The following C1orf105 variants were observed in gnomAD, a reference collection of about 807,000 sequenced individuals.
C1orf105 encodes chromosome 1 open reading frame 105, also known as uncharacterized protein C1orf105.
A neutral mutation model predicts 20.8 loss-of-function variants in C1orf105; 17 were observed. The ratio of observed to expected loss-of-function variants is 0.82; its 90% CI spans 0.56 to 1.23. C1orf105 has a LOEUF of 1.23. C1orf105 is among the 50% of genes most tolerant of loss of function. The pLI is 0.00. For missense variants in C1orf105, 219 were observed against 213.5 expected (o/e 1.03, Z -0.16); for synonymous variants, 72 against 72.1 (o/e 1.00, Z 0.01).
intron 3 of C1orf105, among the ~76,000 whole-genome samples, chr1:172,450,366 A>ATATTCTT (rs1237383807): frequency 1.3e-5 from 2 of 152,208 alleles, no homozygotes; most frequent in Non-Finnish European, 2.9e-5. Context: ...ACCTCCAGTC[A>ATATTCTT]TATTCTTTCC....
chr1:172,440,465 G>A (rs1018786799), intron 1 of C1orf105, among the ~76,000 whole-genome samples: 1 of 152,238 alleles, frequency 6.6e-6, no homozygotes, highest in Non-Finnish European at 1.5e-5. Context: ...TCTAGAGGTA[G>A]ATACTTTTAT....
intron 1 of C1orf105, among the ~76,000 whole-genome samples, chr1:172,423,150 G>A (rs537829953): frequency 2.0e-5 from 3 of 152,298 alleles, no homozygotes; most frequent in East Asian, 1.9e-4. Context: ...TGGTAGCCAC[G>A]TAATAGTTAC....
At chr1:172,454,843 G>A (rs1351038817) in intron 3 of C1orf105, among the ~76,000 whole-genome samples, 1 of 152,070 alleles carries the variant, frequency 6.6e-6, no homozygotes, top group Non-Finnish European at 1.5e-5. Context: ...TGATGTATAG[G>A]CTACTGGATG....
intron 1 of C1orf105, among the ~76,000 whole-genome samples, chr1:172,426,311 T>C (rs1316969418): frequency 1.3e-5 from 2 of 152,160 alleles, no homozygotes; most frequent in African/African-American, 4.8e-5. Flanking sequence ...ACCATTCTTC[T>C]TTCCTCCTCG....
chr1:172,468,481 C>T lies in C1orf105; in HGVS notation c.439C>T (p.Pro147Ser). 6.2e-7 allele frequency: 1 copy of T among 1,613,748 alleles called. No individual in the cohort carries two copies. Among genetic ancestry groups the T allele is most frequent in the South Asian group, 1.1e-5 (1 of 91,052 alleles). ...SIHYRLPILGPRTAVFHGLLT... is the reference protein window; with the variant it reads ...SIHYRLPILGSRTAVFHGLLT... ...TCACTACAGACTGCCCATTCTGGGC[C>T]CCAGGACAGCTGTCTTCCACGGATT... Residue 147 changes from proline to serine, a missense_variant, in exon 7 of 7, where the codon CCC becomes TCC. Coordinates refer to ENST00000367727, the MANE Select transcript of C1orf105 (RefSeq NM_139240.4).
chr1:172,429,761 A>T (rs1573830148), intron 1 of C1orf105, among the ~76,000 whole-genome samples: 1 of 151,680 alleles, frequency 6.6e-6, no homozygotes, highest in African/African-American at 2.4e-5. Flanking sequence ...ATGTTGCTAC[A>T]GCCAGATGCA....
chr1:172,457,687 G>A (rs1195947697), intron 4 of C1orf105, among the ~76,000 whole-genome samples: 1 of 152,198 alleles, frequency 6.6e-6, no homozygotes, highest in Non-Finnish European at 1.5e-5. Flanking sequence ...GCTGGCCTTG[G>A]CCAGCTGGCA....
intron 1 of C1orf105, chr1:172,444,243 C>G (rs1390188343): frequency 2.9e-5 from 29 of 985,314 alleles, no homozygotes; most frequent in Non-Finnish European, 3.0e-5. Context: ...AAATCCCCAG[C>G]AATCCCCTAT....
At chr1:172,456,779 T>C (rs1649298222) in intron 4 of C1orf105, among the ~76,000 whole-genome samples, 1 of 152,120 alleles carries the variant, frequency 6.6e-6, no homozygotes, top group African/African-American at 2.4e-5. Context: ...CTCAGAGGCT[T>C]AGGGGATTAT....
rs111478429 is a variant in C1orf105 at position 172,468,611 on chromosome 1, A to T, written c.*17A>T. The T allele has an allele frequency of 1.0e-3, 1,656 of 1,607,430 alleles. 17 individuals are homozygous for T. In the African/African-American group the frequency reaches 0.019, roughly 19 times the overall value. On this transcript the variant is annotated 3_prime_UTR_variant, in exon 7 of 7. Coordinates refer to ENST00000367727, the MANE Select transcript of C1orf105 (RefSeq NM_139240.4). ...AGGCAGTGAGCGGTAGGAGCTCATC[A>T]CCTCCCAGACTCCCAGAGAGAAAAT...
At chr1:172,442,345 G>A (rs2149169627) in intron 1 of C1orf105, 1 of 1,613,166 alleles carries the variant, frequency 6.2e-7, no homozygotes, top group Middle Eastern at 1.9e-4. Context: ...CCCAATCAGT[G>A]AAGAAGCCAG....
chr1:172,436,509 T>C (rs551028543), intron 1 of C1orf105, among the ~76,000 whole-genome samples: 4 of 152,294 alleles, frequency 2.6e-5, no homozygotes, highest in South Asian at 4.1e-4. Context: ...CCTGATTTAA[T>C]AAATGGTGCT....
intron 6 of C1orf105, among the ~76,000 whole-genome samples, chr1:172,466,430 C>A (rs1650057693): frequency 6.6e-6 from 1 of 152,180 alleles, no homozygotes; most frequent in South Asian, 2.1e-4. Context: ...CTATGATCAC[C>A]TCATTCTTTT....
chr1:172,464,005 A>G (rs1228063832), intron 5 of C1orf105, among the ~76,000 whole-genome samples: 1 of 152,226 alleles, frequency 6.6e-6, no homozygotes, highest in East Asian at 1.9e-4. Context: ...CTGTTTTCAT[A>G]CTTTTTAAGT....
At position 172,468,454 on chromosome 1, in the gene C1orf105, A is replaced by G. The variant is rs774250151; in HGVS notation, c.412A>G (p.Ile138Val). The part of the protein sequence containing the change: ...PFHDDIPTES[I>V]HYRLPILGPR... ...CTTCTTGTACTGTCATCCAGAAAGC[A>G]TTCACTACAGACTGCCCATTCTGGG... is the stretch of plus-strand genomic sequence containing the variant. Residue 138 changes from isoleucine to valine, a missense_variant, in exon 7 of 7, where the codon ATT becomes GTT. Transcript: ENST00000367727. 4 of 1,611,958 alleles carry G rather than the reference A, an allele frequency of 2.5e-6. No individual in the cohort carries two copies. The Admixed American group carries it at 5.0e-5, about 20-fold the overall frequency.
intron 2 of C1orf105, among the ~76,000 whole-genome samples, chr1:172,447,040 C>T (rs995139308): frequency 2.0e-4 from 31 of 152,106 alleles, no homozygotes; most frequent in African/African-American, 4.3e-4. Flanking sequence ...GAGGACAAGA[C>T]GGGAATGAAA....
intron 4 of C1orf105, among the ~76,000 whole-genome samples, chr1:172,459,237 C>T (rs2149189085): frequency 6.6e-6 from 1 of 152,180 alleles, no homozygotes; most frequent in East Asian, 1.9e-4. Context: ...AGAACACCAT[C>T]AAGAACACGA....
At chr1:172,445,646 G>T (rs189029041) in intron 2 of C1orf105, among the ~76,000 whole-genome samples, 66 of 152,240 alleles carry the variant, frequency 4.3e-4, no homozygotes, top group South Asian at 3.7e-3. Flanking sequence ...TTTCAAAATT[G>T]CAGGAATTAC....
At chr1:172,427,177 A>G (rs980519505) in intron 1 of C1orf105, among the ~76,000 whole-genome samples, 2 of 152,174 alleles carry the variant, frequency 1.3e-5, no homozygotes, top group South Asian at 4.1e-4. Context: ...TCCCTGAGAA[A>G]ATTGAAGCAA....
Sources: gnomAD v4.1 joint callset for allele counts (sites outside exome capture counted in the v4.1 genomes callset) on GRCh38, gnomAD v4.1.1 for gene constraint, MANE v1.5 for transcripts, NCBI Gene and HGNC (gene_info 2026-07-23, HGNC 2026-07-21) for gene names.